The following AGBL1 variants were observed in gnomAD, a reference collection of about 807,000 sequenced individuals.
AGBL1 encodes the protein cytosolic carboxypeptidase 4.
A neutral mutation model predicts 118.9 loss-of-function variants in AGBL1; 130 were observed. The observed-to-expected ratio is 1.09, with a 90% CI of 0.95 to 1.26. The LOEUF is 1.26. Ranked by LOEUF, AGBL1 falls within the 50% of genes most tolerant of loss-of-function variation. AGBL1 has a pLI of 0.00. For synonymous variants in AGBL1, 555 were observed against 478.9 expected (o/e 1.16, Z -2.08); for missense variants, 1,584 against 1,298.1 (o/e 1.22, Z -3.38).
chr15:86,455,172 G>A (rs1268099457), intron 18 of AGBL1, among the ~76,000 whole-genome samples: 2 of 152,168 alleles, frequency 1.3e-5, no homozygotes, highest in Non-Finnish European at 2.9e-5. Flanking sequence ...TTGATTTGTT[G>A]AAATACCAGG....
chr15:86,293,781 A>T (rs990054237), intron 16 of AGBL1, among the ~76,000 whole-genome samples: 3 of 152,140 alleles, frequency 2.0e-5, no homozygotes, highest in Non-Finnish European at 4.4e-5. Context: ...ATATTTTTAC[A>T]TATTCATTTT....
At position 86,226,333 on chromosome 15, in the gene AGBL1, G is replaced by T. The variant is rs183089772; in HGVS notation, c.526+1382G>T. On this transcript the variant is annotated intron_variant, in intron 6 of 22. Coordinates refer to ENST00000614907, the MANE Select transcript of AGBL1 (RefSeq NM_001386094.1). ...TTGAATTGCAGGAGGAAAAGATGCT[G>T]AGAGCAGCCTGGTAGGCCAGCCTGT... Among the ~76,000 whole-genome samples, 25 of 152,296 alleles carry T rather than the reference G, an allele frequency of 1.6e-4. No homozygotes were observed. In the East Asian group the frequency reaches 4.6e-3, roughly 28 times the overall value.
intron 22 of AGBL1, among the ~76,000 whole-genome samples, chr15:86,706,095 G>A (rs899365651): frequency 3.3e-5 from 5 of 151,950 alleles, no homozygotes; most frequent in African/African-American, 4.8e-5. Flanking sequence ...ATTAAATAAC[G>A]TCTGCCAATT....
At chr15:86,374,638 C>T (rs1218520299) in intron 17 of AGBL1, among the ~76,000 whole-genome samples, 1 of 152,220 alleles carries the variant, frequency 6.6e-6, no homozygotes, top group African/African-American at 2.4e-5. Flanking sequence ...CAAACACTTG[C>T]CTCATGCATC....
At chr15:86,635,595 T>C (rs1050353671) in intron 21 of AGBL1, among the ~76,000 whole-genome samples, 24 of 151,926 alleles carry the variant, frequency 1.6e-4, no homozygotes, top group African/African-American at 5.6e-4. Flanking sequence ...TTGTCTTGTG[T>C]TCTTACTCAA....
At chr15:86,683,629 AG>A (rs2086001622) in intron 22 of AGBL1, among the ~76,000 whole-genome samples, 1 of 152,168 alleles carries the variant, frequency 6.6e-6, no homozygotes, top group Non-Finnish European at 1.5e-5. Flanking sequence ...AATGAACGGC[AG>A]GTCTCTTGCC....
chr15:86,255,736 C>A (rs896610186), intron 7 of AGBL1, among the ~76,000 whole-genome samples: 2 of 151,912 alleles, frequency 1.3e-5, no homozygotes, highest in East Asian at 3.9e-4. Context: ...GAGCTGAGAT[C>A]GTGCCACTGC....
intron 5 of AGBL1, among the ~76,000 whole-genome samples, chr15:86,213,016 C>G (rs907575336): frequency 6.6e-6 from 1 of 152,172 alleles, no homozygotes. Flanking sequence ...CTAAACACTA[C>G]AAGGATTCTG....
rs547154244 is a variant in AGBL1 at position 86,676,994 on chromosome 15, C to T, written c.3158+2558C>T. Among the ~76,000 whole-genome samples the T allele has an allele frequency of 2.8e-4, 42 of 151,956 alleles. 1 individual carries two copies. The South Asian group carries it at 7.5e-3, about 27-fold the overall frequency. On this transcript the variant is annotated intron_variant, in intron 22 of 22. Coordinates refer to ENST00000614907, the MANE Select transcript of AGBL1 (RefSeq NM_001386094.1). ...TCATGGCACTGCACTCCAGCCTGGG[C>T]GACAGAGGGAGACTCTGTCTCAAAC... is the stretch of plus-strand genomic sequence containing the variant.
At chr15:86,711,759 A>G (rs1237347111) in intron 22 of AGBL1, among the ~76,000 whole-genome samples, 1 of 152,178 alleles carries the variant, frequency 6.6e-6, no homozygotes, top group Non-Finnish European at 1.5e-5. Context: ...CTTTGCTGCT[A>G]CAGTGGCAGA....
intron 22 of AGBL1, among the ~76,000 whole-genome samples, chr15:86,827,976 T>C (rs1267821091): frequency 1.4e-5 from 2 of 145,692 alleles, no homozygotes; most frequent in Admixed American, 1.4e-4. Context: ...TATCTTGTTT[T>C]GTCACCCGGG....
At chr15:86,385,352 T>A (rs956912665) in intron 17 of AGBL1, among the ~76,000 whole-genome samples, 1 of 152,194 alleles carries the variant, frequency 6.6e-6, no homozygotes, top group African/African-American at 2.4e-5. Context: ...AGGGAGAGCT[T>A]TGCTCCTTAA....
At chr15:86,776,715 C>T (rs2078259954) in intron 22 of AGBL1, among the ~76,000 whole-genome samples, 3 of 144,616 alleles carry the variant, frequency 2.1e-5, no homozygotes, top group African/African-American at 7.7e-5. Context: ...ATATTTTATT[C>T]TCTGTGAATC....
At chr15:86,459,758 C>G (rs77147252) in intron 18 of AGBL1, among the ~76,000 whole-genome samples, 1 of 152,058 alleles carries the variant, frequency 6.6e-6, no homozygotes, top group Non-Finnish European at 1.5e-5. Context: ...GTCTCTGACT[C>G]CTAAGGGTAT....
At chr15:86,143,100 C>G (rs183144790) in intron 2 of AGBL1, among the ~76,000 whole-genome samples, 221 of 152,276 alleles carry the variant, frequency 1.5e-3, no homozygotes, top group African/African-American at 5.0e-3. Context: ...CAAAATTGTA[C>G]TTAGGTAGAA....
At chr15:86,891,013 T>A (rs573219007) in intron 22 of AGBL1, among the ~76,000 whole-genome samples, 1 of 152,366 alleles carries the variant, frequency 6.6e-6, no homozygotes, top group South Asian at 2.1e-4. Context: ...ACTATATTAA[T>A]TCTTCCTATC....
chr15:86,397,687 A>T, intron 18 of AGBL1, 141 bp downstream of exon 18: 1 of 773,826 alleles, frequency 1.3e-6, no homozygotes, highest in South Asian at 2.1e-5. Flanking sequence ...TGCTACAAAT[A>T]ACAACATACT....
intron 22 of AGBL1, among the ~76,000 whole-genome samples, chr15:86,807,477 A>T (rs2078733434): frequency 6.6e-6 from 1 of 151,828 alleles, no homozygotes; most frequent in South Asian, 2.1e-4. Flanking sequence ...GAGACAGAAA[A>T]GAACTTTTTT....
At chr15:86,325,568 G>C (rs1330736187) in intron 17 of AGBL1, among the ~76,000 whole-genome samples, 1 of 152,082 alleles carries the variant, frequency 6.6e-6, no homozygotes, top group Non-Finnish European at 1.5e-5. Context: ...TTCACACATG[G>C]GGAGTCTTCG....
Sources: gnomAD v4.1 joint callset for allele counts (sites outside exome capture counted in the v4.1 genomes callset) on GRCh38, gnomAD v4.1.1 for gene constraint, MANE v1.5 for transcripts, NCBI Gene and HGNC (gene_info 2026-07-23, HGNC 2026-07-21) for gene names.